The following RPGRIP1L variants were observed in gnomAD, a reference collection of about 807,000 sequenced individuals.
The protein encoded by RPGRIP1L is RPGRIP1 like, also known as protein fantom.
RPGRIP1L carries 131 observed loss-of-function variants against 160.4 expected under a neutral mutation model. That is an observed-to-expected ratio of 0.82 (90% CI 0.71 to 0.94). The LOEUF (loss-of-function observed/expected upper bound fraction) is 0.94. RPGRIP1L is among the 40% of genes least tolerant of loss of function. The pLI, the probability that RPGRIP1L is intolerant of heterozygous loss-of-function variation, is 0.00. For missense variants in RPGRIP1L, 1,522 were observed against 1,535.8 expected, an observed-to-expected ratio of 0.99 and a Z score of 0.15; for synonymous variants, 510 against 515.8, an observed-to-expected ratio of 0.99 and a Z score of 0.15.
intron 22 of RPGRIP1L, among the ~76,000 whole-genome samples, chr16:53,623,622 C>G (rs766376226): frequency 1.3e-5 from 2 of 152,212 alleles, no homozygotes; most frequent in Non-Finnish European, 2.9e-5. Context: ...TCCTGTGAGG[C>G]CCTGAACCAC....
chr16:53,687,410 T>C lies in RPGRIP1L; in HGVS notation c.632+453A>G, dbSNP rs570341310. 2.2e-4 allele frequency among the ~76,000 whole-genome samples: 34 copies of C among 152,262 alleles called. No individual in the cohort carries two copies. The South Asian group carries it at 6.0e-3, about 27-fold the overall frequency. ...CCATATGATGAAGAATGCAGTGCCATAGAATCATACGAAAACAAAATCTGA... is the reference window on the plus strand; with the variant it reads ...CCATATGATGAAGAATGCAGTGCCACAGAATCATACGAAAACAAAATCTGA... On this transcript the variant is annotated intron_variant, in intron 5 of 26. Coordinates refer to ENST00000647211, the MANE Select transcript of RPGRIP1L (RefSeq NM_015272.5).
intron 15 of RPGRIP1L, 110 bp downstream of exon 15, chr16:53,652,425 G>T: frequency 1.2e-6 from 1 of 846,248 alleles, no homozygotes; most frequent in Non-Finnish European, 1.9e-6. Flanking sequence ...TGTTGTCCTT[G>T]CTCTAAAGGC....
intron 25 of RPGRIP1L, among the ~76,000 whole-genome samples, chr16:53,608,589 G>T (rs182801587): frequency 6.6e-6 from 1 of 152,206 alleles, no homozygotes. Context: ...GCATGGGGTG[G>T]CATGCAAAGG....
At chr16:53,699,774 C>T (rs367703035) in intron 2 of RPGRIP1L, among the ~76,000 whole-genome samples, 4 of 147,616 alleles carry the variant, frequency 2.7e-5, no homozygotes, top group East Asian at 4.0e-4. Context: ...GCGGAGGTCG[C>T]GCCACTGCAC....
chr16:53,651,149 T>G (rs1047247026), intron 15 of RPGRIP1L, among the ~76,000 whole-genome samples: 1 of 152,194 alleles, frequency 6.6e-6, no homozygotes, highest in African/African-American at 2.4e-5. Flanking sequence ...CTTTCCCAGT[T>G]TTCCCTATCT....
At chr16:53,607,022 C>T (rs1374596669) in intron 25 of RPGRIP1L, among the ~76,000 whole-genome samples, 1 of 152,068 alleles carries the variant, frequency 6.6e-6, no homozygotes, top group Admixed American at 6.6e-5. Context: ...CAAGGTGGTA[C>T]GAAGGAATTT....
At chr16:53,675,356 G>A (rs1401671934) in intron 6 of RPGRIP1L, among the ~76,000 whole-genome samples, 2 of 151,978 alleles carry the variant, frequency 1.3e-5, no homozygotes, top group Non-Finnish European at 2.9e-5. Context: ...AGTTTGAAGG[G>A]AGCCCCCAAA....
chr16:53,630,698 T>C (rs1323382509), intron 22 of RPGRIP1L, among the ~76,000 whole-genome samples: 1 of 152,186 alleles, frequency 6.6e-6, no homozygotes, highest in African/African-American at 2.4e-5. Flanking sequence ...TAGGAGAGTA[T>C]GTCAACATTT....
At chr16:53,628,453 CA>C in intron 22 of RPGRIP1L, 1 of 152,204 alleles carries the variant, frequency 6.6e-6, no homozygotes, top group Non-Finnish European at 1.5e-5. Context: ...CTCAAAGACT[CA>C]AAAAAATCCC....
intron 22 of RPGRIP1L, among the ~76,000 whole-genome samples, chr16:53,626,285 A>C (rs981730033): frequency 2.0e-5 from 3 of 152,120 alleles, no homozygotes; most frequent in Non-Finnish European, 2.9e-5. Context: ...ATTGTTCAGA[A>C]TTACTAGAGC....
At chr16:53,627,921 T>C (rs1252829040) in intron 22 of RPGRIP1L, among the ~76,000 whole-genome samples, 1 of 152,238 alleles carries the variant, frequency 6.6e-6, no homozygotes, top group African/African-American at 2.4e-5. Context: ...GCATTAAATA[T>C]CCTTTTATGT....
intron 4 of RPGRIP1L, 139 bp from the exon 5 acceptor site, chr16:53,688,104 A>G: frequency 1.6e-6 from 1 of 616,924 alleles, no homozygotes; most frequent in Non-Finnish European, 2.9e-6. Flanking sequence ...AGAATTATAA[A>G]TACACTGCCA....
At position 53,601,522 on chromosome 16, in the gene RPGRIP1L, A is replaced by G. The variant is rs902554363; in HGVS notation, c.*554T>C. ...CATGCATCAAAGAAAATGCATACTG[A>G]GCTTTAATGTGCATAAAATGGATAT... On this transcript the variant is annotated 3_prime_UTR_variant, in exon 27 of 27. Transcript: ENST00000647211. The G allele has an allele frequency of 1.2e-4, 18 of 154,126 alleles. No individual in the cohort carries two copies. Among genetic ancestry groups the G allele is most frequent in the Admixed American group, 1.0e-3 (16 of 15,578 alleles). The allele number at this position is 154,126 out of a possible 1,614,324, so 9.5% of individuals were successfully genotyped here. A position where few individuals can be genotyped will look rare whatever the true frequency, so the allele number is the denominator to read the frequency against.
chr16:53,651,961 ATTAAT>A (rs1336466331), intron 15 of RPGRIP1L, among the ~76,000 whole-genome samples: 8 of 151,950 alleles, frequency 5.3e-5, no homozygotes, highest in African/African-American at 1.2e-4. Flanking sequence ...CAATACATAA[ATTAAT>A]TTATTTATAA....
intron 17 of RPGRIP1L, among the ~76,000 whole-genome samples, chr16:53,643,979 T>C (rs1408971664): frequency 6.6e-6 from 1 of 152,192 alleles, no homozygotes; most frequent in Non-Finnish European, 1.5e-5. Context: ...AAAGTGTGTT[T>C]AAATAATTAA....
intron 22 of RPGRIP1L, among the ~76,000 whole-genome samples, chr16:53,631,691 G>A (rs1965530531): frequency 1.3e-5 from 2 of 152,098 alleles, no homozygotes; most frequent in African/African-American, 4.8e-5. Flanking sequence ...TATTCATAGA[G>A]AAATGTCCAA....
At chr16:53,625,764 A>T (rs1965107165) in intron 22 of RPGRIP1L, among the ~76,000 whole-genome samples, 2 of 152,184 alleles carry the variant, frequency 1.3e-5, no homozygotes, top group East Asian at 1.9e-4. Flanking sequence ...CAGAAAGAAG[A>T]AGACATAGGA....
chr16:53,666,830 G>A (rs933739311), intron 9 of RPGRIP1L, among the ~76,000 whole-genome samples: 16 of 152,038 alleles, frequency 1.1e-4, no homozygotes, highest in Non-Finnish European at 2.1e-4. Flanking sequence ...ACAATTTAGC[G>A]GCCTGGGTTT....
rs577580800 is a variant in RPGRIP1L at position 53,626,004 on chromosome 16, C to T, written c.3295-3648G>A. Among the ~76,000 whole-genome samples, 9 of 151,960 alleles carry T rather than the reference C, an allele frequency of 5.9e-5. No individual in the cohort carries two copies. In the East Asian group the frequency reaches 7.7e-4, roughly 13 times the overall value. The stretch of plus-strand genomic sequence containing the variant: ...CAAGTACCCAGGGACACAAACACTG[C>T]GGAAGGCTGCAGGGTCCTCTGCCTA... On this transcript the variant is annotated intron_variant, in intron 22 of 26. Transcript: ENST00000647211.
Sources: allele counts gnomAD v4.1 joint callset (sites outside exome capture counted in the v4.1 genomes callset), GRCh38; gene constraint gnomAD v4.1.1; transcripts MANE v1.5; gene names NCBI Gene and HGNC (gene_info 2026-07-23, HGNC 2026-07-21).